ST7: variants seen among roughly 807,000 people sequenced by gnomAD.
ST7 encodes the protein suppressor of tumorigenicity 7 protein.
A neutral mutation model predicts 78.7 loss-of-function variants in ST7; 28 were observed. The ratio of observed to expected loss-of-function variants is 0.36; its 90% CI spans 0.26 to 0.49. The LOEUF (loss-of-function observed/expected upper bound fraction) is 0.49, where lower values mean the gene tolerates loss of function less well. Ranked by LOEUF, ST7 falls within the 20% of genes least tolerant of loss-of-function variation. ST7 has a pLI of 0.99. For missense variants in ST7, 418 were observed against 696.0 expected (o/e 0.60, Z 4.49); for synonymous variants, 247 against 249.6 (o/e 0.99, Z 0.10).
chr7:117,218,187 A>G (rs148690309), intron 13 of ST7, among the ~76,000 whole-genome samples: 2 of 152,216 alleles, frequency 1.3e-5, no homozygotes, highest in African/African-American at 2.4e-5. Flanking sequence ...ACTACCATAC[A>G]TGAAGGCAAG....
At chr7:117,200,816 CTCTTT>C (rs1810761518) in intron 12 of ST7, among the ~76,000 whole-genome samples, 3 of 77,956 alleles carry the variant, frequency 3.8e-5, no homozygotes, top group African/African-American at 1.1e-4. Flanking sequence ...TAAAAATGTA[CTCTTT>C]TTTTTTTTTT....
intron 1 of ST7, among the ~76,000 whole-genome samples, chr7:117,066,760 G>A (rs780431684): frequency 4.0e-5 from 4 of 100,066 alleles, no homozygotes; most frequent in Non-Finnish European, 6.0e-5. Flanking sequence ...GACTGACTCC[G>A]TCTCAAAAAA....
chr7:116,953,648 C>T lies in ST7; in HGVS notation c.108C>T (p.Tyr36=). 2 of 1,503,066 alleles carry T rather than the reference C, an allele frequency of 1.3e-6. No homozygotes were observed. The highest frequency in any genetic ancestry group is 1.8e-6 in the Non-Finnish European group (2 of 1,113,152). 93.1% of individuals were successfully genotyped at this position (1,503,066 alleles called of 1,614,324 possible). Reference sequence around the variant, plus strand: ...TCTTCATCGTGCTATTCCTGGTCTACATCCTGCGGGTGCCTTTGAAAATCA... The same window carrying T: ...TCTTCATCGTGCTATTCCTGGTCTATATCCTGCGGGTGCCTTTGAAAATCA... The part of the protein sequence containing the change: ...VWFFIVLFLV[Y]ILRVPLKIND... Residue 36 remains tyrosine (Y), a synonymous_variant, in exon 1 of 16, where the codon TAC becomes TAT. Coordinates refer to ENST00000323984, the MANE Select transcript of ST7 (RefSeq NM_001369598.1).
At chr7:117,228,525 G>A (rs202002847) in intron 15 of ST7, among the ~76,000 whole-genome samples, 1 of 152,232 alleles carries the variant, frequency 6.6e-6, no homozygotes, top group East Asian at 1.9e-4. Flanking sequence ...TGATGATCTG[G>A]CTATTTTGTG....
intron 3 of ST7, chr7:117,128,374 A>G (rs1001501910): frequency 2.0e-5 from 3 of 151,868 alleles, no homozygotes; most frequent in Non-Finnish European, 4.4e-5. Flanking sequence ...TACAGGAAGC[A>G]TAATTTTGTA....
intron 1 of ST7, among the ~76,000 whole-genome samples, chr7:117,044,060 G>A (rs978417951): frequency 2.0e-5 from 3 of 152,082 alleles, no homozygotes; most frequent in South Asian, 4.1e-4. Context: ...TTCAACCTAC[G>A]TTGTTCTTTC....
At chr7:117,023,732 G>A (rs1237155906) in intron 1 of ST7, among the ~76,000 whole-genome samples, 7 of 152,042 alleles carry the variant, frequency 4.6e-5, no homozygotes, top group Non-Finnish European at 1.0e-4. Flanking sequence ...AAGTTTTGTT[G>A]AGGAAGGTGA....
intron 1 of ST7, chr7:117,071,948 G>C (rs573902806): frequency 6.6e-6 from 1 of 152,324 alleles, no homozygotes; most frequent in South Asian, 2.1e-4. Context: ...GCAATCCCTC[G>C]TGGTATAAGA....
Position 117,092,305 on chromosome 7 carries a change from GAAGTTATGAATACCAGCCAAAAAAAAA to G in ST7, c.152-7454_152-7428del, listed in dbSNP as rs1800689123. On this transcript the variant is annotated intron_variant, in intron 1 of 15. Coordinates refer to ENST00000323984, the MANE Select transcript of ST7 (RefSeq NM_001369598.1). Reference sequence around the variant, plus strand: ...AAAAAAAAAAAAAAAAAAAAAAAAAGAAGTTATGAATACCAGCCAAAAAAAAAAAAAAGAAGTTATGAATACCAGCAG... The same window carrying G: ...AAAAAAAAAAAAAAAAAAAAAAAAAGAAAAAGAAGTTATGAATACCAGCAG... Among the ~76,000 whole-genome samples, 4 of 82,002 alleles carry G rather than the reference GAAGTTATGAATACCAGCCAAAAAAAAA, an allele frequency of 4.9e-5. No homozygotes were observed. The East Asian group carries it at 1.3e-3, about 27-fold the overall frequency. The allele number at this position is 82,002 out of a possible 152,430, so 53.8% of individuals were successfully genotyped here. A position where few individuals can be genotyped will look rare whatever the true frequency, so the allele number is the denominator to read the frequency against.
chr7:117,044,427 A>G (rs1463258070), intron 1 of ST7, among the ~76,000 whole-genome samples: 1 of 152,040 alleles, frequency 6.6e-6, no homozygotes, highest in African/African-American at 2.4e-5. Flanking sequence ...GCTCACTGCA[A>G]CCTCTGCCTC....
chr7:117,029,408 C>T (rs528290300), intron 1 of ST7, among the ~76,000 whole-genome samples: 56 of 151,930 alleles, frequency 3.7e-4, no homozygotes, highest in Non-Finnish European at 7.1e-4. Flanking sequence ...TGTGTTTGTT[C>T]AAATCCTTTG....
At chr7:117,051,813 A>G (rs1400780954) in intron 1 of ST7, among the ~76,000 whole-genome samples, 2 of 152,146 alleles carry the variant, frequency 1.3e-5, no homozygotes, top group Non-Finnish European at 2.9e-5. Context: ...ATCAAGGATG[A>G]TTCCCAAGTT....
chr7:117,026,784 T>A (rs1796203809), intron 1 of ST7, among the ~76,000 whole-genome samples: 1 of 152,218 alleles, frequency 6.6e-6, no homozygotes, highest in Non-Finnish European at 1.5e-5. Flanking sequence ...GTAGGGCTTA[T>A]CAAGGGGTGT....
chr7:117,097,470 C>T (rs1349741123), intron 1 of ST7, among the ~76,000 whole-genome samples: 1 of 151,930 alleles, frequency 6.6e-6, no homozygotes, highest in Non-Finnish European at 1.5e-5. Flanking sequence ...GGATTACAGG[C>T]ACCCACCATG....
At chr7:117,214,497 C>T (rs896427195) in intron 13 of ST7, among the ~76,000 whole-genome samples, 2 of 152,160 alleles carry the variant, frequency 1.3e-5, no homozygotes, top group African/African-American at 4.8e-5. Context: ...TTTCCTCTAA[C>T]CAAACCTTTC....
At chr7:117,193,130 A>G (rs1809950375) in intron 12 of ST7, among the ~76,000 whole-genome samples, 1 of 146,848 alleles carries the variant, frequency 6.8e-6, no homozygotes, top group Non-Finnish European at 1.5e-5. Context: ...AGTGTGCTCT[A>G]AATATCTAAC....
chr7:117,131,427 A>G (rs973754065), intron 5 of ST7, among the ~76,000 whole-genome samples: 2 of 151,786 alleles, frequency 1.3e-5, no homozygotes, highest in African/African-American at 2.4e-5. Context: ...AAGCTTAAGC[A>G]TTTTTTACTG....
At chr7:117,225,571 T>G (rs1318913914) in intron 15 of ST7, among the ~76,000 whole-genome samples, 1 of 152,088 alleles carries the variant, frequency 6.6e-6, no homozygotes, top group African/African-American at 2.4e-5. Context: ...CCTGGTCACT[T>G]CATCAGGCCC....
At chr7:116,959,663 T>A (rs1415174977) in intron 1 of ST7, 1 of 153,362 alleles carries the variant, frequency 6.5e-6, no homozygotes, top group Non-Finnish European at 1.5e-5. Flanking sequence ...CATATGCATC[T>A]AAAGCATGGT....
Sources: gnomAD v4.1 joint callset for allele counts (sites outside exome capture counted in the v4.1 genomes callset) on GRCh38, gnomAD v4.1.1 for gene constraint, MANE v1.5 for transcripts, NCBI Gene and HGNC (gene_info 2026-07-23, HGNC 2026-07-21) for gene names.